Variants in COL22A1 observed in about 807,000 individuals in gnomAD.
The protein encoded by COL22A1 is collagen type XXII alpha 1 chain.
COL22A1 carries 221 observed loss-of-function variants against 248.9 expected under a neutral mutation model. The ratio of observed to expected loss-of-function variants is 0.89; its 90% CI spans 0.80 to 0.99. The LOEUF (loss-of-function observed/expected upper bound fraction) is 0.99, where lower values mean the gene tolerates loss of function less well. Ranked by LOEUF, COL22A1 falls within the 50% of genes least tolerant of loss-of-function variation. The pLI, the probability that COL22A1 is intolerant of heterozygous loss-of-function variation, is 0.00. For synonymous variants in COL22A1, 891 were observed against 793.4 expected (o/e 1.12, Z -2.07); for missense variants, 2,240 against 2,179.0 (o/e 1.03, Z -0.56).
intron 3 of COL22A1, among the ~76,000 whole-genome samples, chr8:138,848,465 A>G (rs970458931): frequency 5.9e-5 from 9 of 152,164 alleles, no homozygotes; most frequent in African/African-American, 2.2e-4. Flanking sequence ...CAGTTTACCA[A>G]ATGGCAAAAG....
Position 138,598,791 on chromosome 8 carries a change from T to C in COL22A1, c.4293A>G (p.Gln1431=), listed in dbSNP as rs1817755698. 9.9e-6 allele frequency: 16 copies of C among 1,613,992 alleles called. No homozygotes were observed. The highest frequency in any genetic ancestry group is 1.4e-5 in the Non-Finnish European group (16 of 1,179,988). The change falls in exon 61 of 65, where the codon CAA becomes CAG. Residue 1431 remains glutamine (Q), a synonymous_variant. Transcript: ENST00000303045. ...HKGHTGLMGP[Q]GLPGENGPVG... ...CTGGTCCATTCTCCCCAGGTAGTCC[T>C]TGGGGACCCATCAGGCCTGTGTGGC...
intron 38 of COL22A1, among the ~76,000 whole-genome samples, chr8:138,684,984 G>A (rs1826229916): frequency 6.6e-6 from 1 of 152,206 alleles, no homozygotes; most frequent in Non-Finnish European, 1.5e-5. Context: ...CCAGGGCGCA[G>A]CCTGTCTCAT....
chr8:138,686,649 T>C lies in COL22A1; in HGVS notation c.2863-1337A>G, dbSNP rs12541472. Among the ~76,000 whole-genome samples, 947 of 152,066 alleles carry C rather than the reference T, an allele frequency of 6.2e-3. 24 individuals are homozygous for C. Among genetic ancestry groups the C allele is most frequent in the Admixed American group, 0.039 (597 of 15,260 alleles). On this transcript the variant is annotated intron_variant, in intron 37 of 64. Coordinates refer to ENST00000303045, the MANE Select transcript of COL22A1 (RefSeq NM_152888.3). ...CCTTTCCAAATCCCGGGCCCGGCCC[T>C]CAGCCTGGGCCTCTGCTCAGCCAAG...
chr8:138,848,949 A>T, intron 3 of COL22A1, among the ~76,000 whole-genome samples: 1 of 152,152 alleles, frequency 6.6e-6, no homozygotes, highest in East Asian at 1.9e-4. Context: ...ATCACCTCGC[A>T]GCGGCCGCTG....
chr8:138,764,330 C>T (rs16909580), intron 16 of COL22A1, among the ~76,000 whole-genome samples: 22,109 of 152,270 alleles, frequency 0.15, 1,644 homozygotes, highest in South Asian at 0.16. Flanking sequence ...TGGCTACCTG[C>T]GGAGTGGGTC....
chr8:138,700,007 T>C, intron 32 of COL22A1, 105 bp downstream of exon 32: 1 of 1,045,618 alleles, frequency 9.6e-7, no homozygotes, highest in East Asian at 2.5e-5. Flanking sequence ...ATGAACGCGA[T>C]GGGGCTGAGT....
chr8:138,645,678 G>T (rs1355870938), intron 47 of COL22A1, among the ~76,000 whole-genome samples: 2 of 152,158 alleles, frequency 1.3e-5, no homozygotes, highest in African/African-American at 4.8e-5. Flanking sequence ...GGCCAGAAAG[G>T]TTAAGAAACT....
chr8:138,876,385 C>G (rs561708697), intron 3 of COL22A1, among the ~76,000 whole-genome samples: 22 of 152,306 alleles, frequency 1.4e-4, no homozygotes, highest in African/African-American at 5.1e-4. Flanking sequence ...CTAAAGTTTA[C>G]CTGCCCGGTA....
Position 138,697,921 on chromosome 8 carries a change from T to C in COL22A1, c.2592+2191A>G, listed in dbSNP as rs565560453. Among the ~76,000 whole-genome samples the C allele has an allele frequency of 5.8e-4, 88 of 152,330 alleles. 1 individual carries two copies. The highest frequency in any genetic ancestry group is 2.0e-3 in the African/African-American group (83 of 41,584). On this transcript the variant is annotated intron_variant, in intron 32 of 64. Transcript: ENST00000303045. ...TTTTTCCATAGACATAATTTCCTTG[T>C]TTGCATCTGAGAGTGGCTTCCTGGC...
intron 1 of COL22A1, among the ~76,000 whole-genome samples, chr8:138,907,786 A>C (rs1815135391): frequency 6.6e-6 from 1 of 152,212 alleles, no homozygotes; most frequent in South Asian, 2.1e-4. Flanking sequence ...CACGCATGTA[A>C]AACAGAGAGA....
At chr8:138,666,299 C>T (rs1824497910) in intron 41 of COL22A1, among the ~76,000 whole-genome samples, 1 of 152,136 alleles carries the variant, frequency 6.6e-6, no homozygotes. Flanking sequence ...ATAACTCACA[C>T]CTGCATAAAC....
chr8:138,864,171 C>T (rs1822695935), intron 3 of COL22A1, among the ~76,000 whole-genome samples: 1 of 152,060 alleles, frequency 6.6e-6, no homozygotes, highest in South Asian at 2.1e-4. Context: ...GGACCTTGGA[C>T]CTCCCTGCCC....
intron 22 of COL22A1, among the ~76,000 whole-genome samples, chr8:138,738,318 G>T (rs1324242016): frequency 6.6e-6 from 1 of 152,158 alleles, no homozygotes; most frequent in Non-Finnish European, 1.5e-5. Context: ...TTAAATAGGG[G>T]TAAGGTGTGT....
At chr8:138,766,095 T>C (rs139682641) in intron 16 of COL22A1, among the ~76,000 whole-genome samples, 131 of 152,314 alleles carry the variant, frequency 8.6e-4, no homozygotes, top group Middle Eastern at 3.4e-3. Flanking sequence ...ACATTTGGCA[T>C]AGATGTGGAC....
intron 18 of COL22A1, among the ~76,000 whole-genome samples, chr8:138,758,944 T>A (rs2131379221): frequency 6.6e-6 from 1 of 152,312 alleles, no homozygotes; most frequent in Non-Finnish European, 1.5e-5. Flanking sequence ...AGTCATCACC[T>A]AGATCCAGAC....
intron 30 of COL22A1, among the ~76,000 whole-genome samples, chr8:138,714,870 T>C (rs1208819551): frequency 6.6e-6 from 1 of 152,110 alleles, no homozygotes; most frequent in Non-Finnish European, 1.5e-5. Context: ...TCATGAACGA[T>C]GCAGGGGAAA....
intron 13 of COL22A1, among the ~76,000 whole-genome samples, 191 bp downstream of exon 13, chr8:138,780,736 G>A (rs554982980): frequency 6.6e-6 from 1 of 152,280 alleles, no homozygotes; most frequent in East Asian, 1.9e-4. Flanking sequence ...TACCCGGGGG[G>A]CAAAGCTGCT....
intron 10 of COL22A1, 114 bp downstream of exon 10, chr8:138,807,654 G>A: frequency 1.0e-6 from 1 of 1,001,522 alleles, no homozygotes; most frequent in Non-Finnish European, 1.5e-6. Flanking sequence ...AACAAGCTCT[G>A]AGGCAAAATA....
chr8:138,592,120 CAAG>C (rs1210556859), intron 63 of COL22A1, among the ~76,000 whole-genome samples: 1 of 152,090 alleles, frequency 6.6e-6, no homozygotes, highest in Non-Finnish European at 1.5e-5. Context: ...TCAAATAGGG[CAAG>C]AAGAACATTC....
Sources: allele counts gnomAD v4.1 joint callset (sites outside exome capture counted in the v4.1 genomes callset), GRCh38; gene constraint gnomAD v4.1.1; transcripts MANE v1.5; gene names NCBI Gene and HGNC (gene_info 2026-07-23, HGNC 2026-07-21).